ESD: variants seen among roughly 807,000 people sequenced by gnomAD.
ESD encodes the protein esterase D, also known as S-formylglutathione hydrolase.
A neutral mutation model predicts 38.1 loss-of-function variants in ESD; 34 were observed. The ratio of observed to expected loss-of-function variants is 0.89; its 90% CI spans 0.68 to 1.19. The LOEUF (loss-of-function observed/expected upper bound fraction) is 1.19, where lower values mean the gene tolerates loss of function less well. Among genes scored for constraint, ESD ranks in the 50% most tolerant of loss-of-function variants. ESD has a pLI of 0.00. For missense variants in ESD, 334 were observed against 327.2 expected (o/e 1.02, Z -0.16); for synonymous variants, 97 against 107.0 (o/e 0.91, Z 0.58).
chr13:46,775,828 T>C (rs1593403870), intron 9 of ESD: 1 of 316,316 alleles, frequency 3.2e-6, no homozygotes, highest in South Asian at 2.7e-5. Flanking sequence ...CTATGTGTTC[T>C]AGTTGCTTGG....
chr13:46,779,820 T>C (rs1874936843), intron 8 of ESD, 115 bp downstream of exon 8: 1 of 413,020 alleles, frequency 2.4e-6, no homozygotes, highest in African/African-American at 2.2e-5. Context: ...CTTTTGCTAA[T>C]TTGTCTCAGC....
chr13:46,774,900 C>T (rs542029055), intron 9 of ESD, among the ~76,000 whole-genome samples: 19 of 152,302 alleles, frequency 1.2e-4, no homozygotes, highest in African/African-American at 4.6e-4. Context: ...CTGGGATTCT[C>T]TGCCATGTTC....
In ESD at chr13:46,782,694, G is replaced by T; in HGVS notation, c.354C>A (p.Tyr118Ter). Residue 118 changes from tyrosine (Y) to a stop codon, truncating the protein, a stop_gained, in exon 6 of 10, where the codon TAC (tyrosine) becomes TAA (stop). Coordinates refer to ENST00000378720, the MANE Select transcript of ESD (RefSeq NM_001984.2). LOFTEE classifies it high-confidence loss of function. ...CCTCTGTGACATAAGAGTACATTCT[G>T]TAGTTGGTTTTCCAAGGATCTTCAG... ...DATEDPWKTN[Y>*]RMYSYVTEEL... 2 of 1,612,216 alleles carry T rather than the reference G, an allele frequency of 1.2e-6. No homozygotes were observed. The highest frequency in any genetic ancestry group is 1.7e-6 in the Non-Finnish European group (2 of 1,178,746).
rs769734830 is a variant in ESD at position 46,782,695 on chromosome 13, T to C, written c.353A>G (p.Tyr118Cys). ...CTCTGTGACATAAGAGTACATTCTG[T>C]AGTTGGTTTTCCAAGGATCTTCAGT... ...DATEDPWKTN[Y>C]RMYSYVTEEL... The change falls in exon 6 of 10, where the codon TAC becomes TGC. Residue 118 changes from tyrosine (Y) to cysteine (C), a missense_variant. By Grantham distance (194) the Tyr-to-Cys change is radical. Coordinates refer to ENST00000378720, the MANE Select transcript of ESD (RefSeq NM_001984.2). 7 of 1,612,208 alleles carry C rather than the reference T, an allele frequency of 4.3e-6. No homozygotes were observed. Among genetic ancestry groups the C allele is most frequent in the South Asian group, 1.1e-5 (1 of 91,014 alleles).
At chr13:46,797,698 A>G (rs1875641676), upstream of ESD, among the ~76,000 whole-genome samples, 1 of 152,214 alleles carries the variant, frequency 6.6e-6, no homozygotes, top group Non-Finnish European at 1.5e-5. Flanking sequence ...TTCTTCCCTC[A>G]ATAAAAATTA....
At chr13:46,773,061 C>T (rs1320206118) in intron 9 of ESD, among the ~76,000 whole-genome samples, 1 of 152,150 alleles carries the variant, frequency 6.6e-6, no homozygotes, top group Non-Finnish European at 1.5e-5. Context: ...CTGCAAAGGA[C>T]ATGATCTCAT....
intron 2 of ESD, among the ~76,000 whole-genome samples, chr13:46,792,631 T>C (rs117806967): frequency 0.03 from 4,503 of 152,052 alleles, 106 homozygotes; most frequent in Non-Finnish European, 0.04. Context: ...TTAAGATAAC[T>C]GATTCTATAG....
intron 1 of ESD, among the ~76,000 whole-genome samples, chr13:46,796,298 A>G (rs1875573355): frequency 2.0e-5 from 3 of 152,228 alleles, no homozygotes; most frequent in African/African-American, 7.2e-5. Flanking sequence ...GACACTGGGC[A>G]AGCTAATCTA....
chr13:46,771,770 TAA>T (rs1874614958), intron 9 of ESD, among the ~76,000 whole-genome samples: 1 of 152,012 alleles, frequency 6.6e-6, no homozygotes, highest in Non-Finnish European at 1.5e-5. Context: ...CATTAATATG[TAA>T]AGAGTGGAAG....
chr13:46,782,873 AGTCC>A, intron 5 of ESD, 82 bp from the exon 6 acceptor site: 1 of 1,530,254 alleles, frequency 6.5e-7, no homozygotes, highest in Non-Finnish European at 8.9e-7. Context: ...TGAATCTGCA[AGTCC>A]ATTTGCATGG....
At position 46,784,314 on chromosome 13, in the gene ESD, G is replaced by T. The variant is rs1290597349; in HGVS notation, c.194C>A (p.Ser65Tyr). 1.9e-6 allele frequency: 3 copies of T among 1,611,350 alleles called. No individual in the cohort carries two copies. Among genetic ancestry groups the T allele is most frequent in the African/African-American group, 2.7e-5 (2 of 74,762 alleles). The stretch of plus-strand genomic sequence containing the variant: ...TTCTGAAGCAGACTGATGATAACCA[G>T]ATTTTGATATAAAATTTTGCTCTGT... Reference protein sequence around the residue: ...TCTEQNFISKSGYHQSASEHG... With the variant: ...TCTEQNFISKYGYHQSASEHG... Residue 65 changes from serine (S) to tyrosine (Y), a missense_variant, in exon 5 of 10, where the codon TCT (serine) becomes TAT (tyrosine). Ser to Tyr is a moderately radical substitution (Grantham distance 144). Coordinates refer to ENST00000378720, the MANE Select transcript of ESD (RefSeq NM_001984.2).
intron 8 of ESD, among the ~76,000 whole-genome samples, chr13:46,778,143 T>C (rs534275570): frequency 6.6e-6 from 1 of 151,988 alleles, no homozygotes; most frequent in East Asian, 1.9e-4. Flanking sequence ...ACCTCTGCTA[T>C]CTACATAAGC....
intron 9 of ESD, among the ~76,000 whole-genome samples, chr13:46,774,146 T>G (rs1293284882): frequency 6.6e-6 from 1 of 152,132 alleles, no homozygotes; most frequent in African/African-American, 2.4e-5. Flanking sequence ...CAGACACATA[T>G]GAATAGCCAT....
At chr13:46,791,262 T>A in intron 3 of ESD, 84 bp downstream of exon 3, 1 of 972,834 alleles carries the variant, frequency 1.0e-6, no homozygotes. Flanking sequence ...GGTACTATAA[T>A]ATCTAGATAA....
chr13:46,774,968 G>C (rs921079179), intron 9 of ESD, among the ~76,000 whole-genome samples: 3 of 152,092 alleles, frequency 2.0e-5, no homozygotes, highest in Non-Finnish European at 2.9e-5. Flanking sequence ...TCTTCAAAAA[G>C]GTCCTGAGAC....
chr13:46,796,213 TA>T (rs1451243638), intron 1 of ESD, among the ~76,000 whole-genome samples: 1 of 152,154 alleles, frequency 6.6e-6, no homozygotes, highest in Non-Finnish European at 1.5e-5. Flanking sequence ...AATGCCACGG[TA>T]CAATGGTTTC....
intron 4 of ESD, 69 bp downstream of exon 4, chr13:46,786,952 A>T: frequency 1.1e-6 from 1 of 951,810 alleles, no homozygotes; most frequent in Non-Finnish European, 1.5e-6. Flanking sequence ...GTTAAAATAA[A>T]AGGGTAAGAT....
chr13:46,784,122 C>G (rs901736095), intron 5 of ESD, 130 bp downstream of exon 5: 7 of 633,302 alleles, frequency 1.1e-5, no homozygotes, highest in Non-Finnish European at 1.8e-5. Context: ...AGTCATGATG[C>G]CACTTGAAAG....
At chr13:46,790,008 A>ATTT (rs544499790) in intron 3 of ESD, among the ~76,000 whole-genome samples, 145 of 136,032 alleles carry the variant, frequency 1.1e-3, no homozygotes, top group East Asian at 3.0e-3. Context: ...ATATATATAT[A>ATTT]TTTTTTTTTT....
Sources: gnomAD v4.1 joint callset for allele counts (sites outside exome capture counted in the v4.1 genomes callset) on GRCh38, gnomAD v4.1.1 for gene constraint, MANE v1.5 for transcripts, NCBI Gene and HGNC (gene_info 2026-07-23, HGNC 2026-07-21) for gene names.